The following ZNF354C variants were observed in gnomAD, a reference collection of about 807,000 sequenced individuals.
The protein encoded by ZNF354C is zinc finger protein 354C, also known as KRAB-zinc finger protein synten.
ZNF354C carries 7 observed loss-of-function variants against 12.4 expected under a neutral mutation model. The ratio of observed to expected loss-of-function variants is 0.56; its 90% confidence interval spans 0.32 to 1.06. The LOEUF is 1.06. Ranked by LOEUF, ZNF354C falls within the 50% of genes least tolerant of loss-of-function variation. The pLI is 0.04. For missense variants in ZNF354C, 609 were observed against 658.0 expected (o/e 0.93, Z 0.81); for synonymous variants, 202 against 224.5 (o/e 0.90, Z 0.90).
chr5:179,062,433 T>C (rs771690448), intron 2 of ZNF354C, among the ~76,000 whole-genome samples: 31 of 152,148 alleles, frequency 2.0e-4, no homozygotes, highest in Non-Finnish European at 4.3e-4. Flanking sequence ...CACTTGGGGC[T>C]AAGATGTGGA....
intron 2 of ZNF354C, among the ~76,000 whole-genome samples, chr5:179,073,238 A>G (rs1471458502): frequency 6.6e-6 from 1 of 152,238 alleles, no homozygotes; most frequent in Non-Finnish European, 1.5e-5. Flanking sequence ...CAGGTAAAAT[A>G]AAATTAAGCT....
intron 2 of ZNF354C, among the ~76,000 whole-genome samples, chr5:179,074,403 C>T (rs1337242190): frequency 1.3e-5 from 2 of 151,956 alleles, no homozygotes; most frequent in Non-Finnish European, 2.9e-5. Context: ...GCTGGGATTA[C>T]AGGCGTGAGC....
intron 2 of ZNF354C, among the ~76,000 whole-genome samples, chr5:179,064,219 C>A (rs557896045): frequency 2.2e-4 from 34 of 152,144 alleles, no homozygotes; most frequent in African/African-American, 7.5e-4. Context: ...ATATCTAATC[C>A]TTTTGTGGGT....
intron 1 of ZNF354C, 79 bp from the exon 2 acceptor site, chr5:179,061,936 A>G: frequency 1.0e-6 from 1 of 965,698 alleles, no homozygotes; most frequent in Non-Finnish European, 1.7e-6. Flanking sequence ...CCTGATGGAC[A>G]TTATGGGCGG....
chr5:179,079,039 C>G lies in ZNF354C; in HGVS notation c.607C>G (p.Leu203Val), dbSNP rs1762175481. The G allele has an allele frequency of 6.2e-7, 1 of 1,612,952 alleles. No individual in the cohort carries two copies. Among genetic ancestry groups the G allele is most frequent in the Non-Finnish European group, 8.5e-7 (1 of 1,179,782 alleles). Reference sequence around the variant, plus strand: ...GAAAGATTTTAAACAGAATTTTGATCTCATGAAATGCTTCCAGATTTACCC... The same window carrying G: ...GAAAGATTTTAAACAGAATTTTGATGTCATGAAATGCTTCCAGATTTACCC... ...FGKDFKQNFD[L>V]MKCFQIYPGG... The change falls in exon 5 of 5, where the codon CTC becomes GTC. Residue 203 changes from leucine to valine, a missense_variant. Physicochemically the swap from Leu to Val is conservative, Grantham distance 32 (BLOSUM62 1). Transcript: ENST00000315475. This position sits in a 1 kb window ranked among gnomAD's most constrained non-coding sequence, Gnocchi z 4.2.
intron 1 of ZNF354C, 99 bp from the exon 2 acceptor site, chr5:179,061,916 T>G: frequency 1.2e-6 from 1 of 836,078 alleles, no homozygotes; most frequent in Non-Finnish European, 2.0e-6. Flanking sequence ...GGGGGGTGGC[T>G]TTTTTGAGAC....
At position 179,079,040 on chromosome 5, in the gene ZNF354C, T is replaced by G. The variant is rs1762175549; in HGVS notation, c.608T>G (p.Leu203Arg). ...FGKDFKQNFD[L>R]MKCFQIYPGG... ...AAAGATTTTAAACAGAATTTTGATC[T>G]CATGAAATGCTTCCAGATTTACCCA... The change falls in exon 5 of 5, where the codon CTC (leucine) becomes CGC (arginine). Residue 203 changes from leucine (L) to arginine (R), a missense_variant. Coordinates refer to ENST00000315475, the MANE Select transcript of ZNF354C (RefSeq NM_014594.3). This position sits in a 1 kb window ranked among gnomAD's most constrained non-coding sequence, Gnocchi z 4.2. 5 of 1,612,926 alleles carry G rather than the reference T, an allele frequency of 3.1e-6. No homozygotes were observed. The African/African-American group carries it at 4.0e-5, about 13-fold the overall frequency.
chr5:179,076,323 A>C, intron 2 of ZNF354C, 122 bp from the exon 3 acceptor site: 1 of 1,447,794 alleles, frequency 6.9e-7, no homozygotes, highest in East Asian at 2.3e-5. Context: ...AAAATTACGT[A>C]AACAGTTGAC....
intron 2 of ZNF354C, among the ~76,000 whole-genome samples, chr5:179,068,244 T>G (rs1043064031): frequency 5.9e-5 from 9 of 152,090 alleles, no homozygotes; most frequent in African/African-American, 2.2e-4. Flanking sequence ...AATTTTCCCA[T>G]TAAAAAAGGA....
At chr5:179,065,933 A>C (rs1761953797) in intron 2 of ZNF354C, among the ~76,000 whole-genome samples, 1 of 152,110 alleles carries the variant, frequency 6.6e-6, no homozygotes, top group African/African-American at 2.4e-5. Context: ...TCCACTCTAC[A>C]GTTACTTTCT....
intron 2 of ZNF354C, among the ~76,000 whole-genome samples, chr5:179,074,216 C>T (rs1004510075): frequency 7.9e-5 from 12 of 151,720 alleles, no homozygotes; most frequent in East Asian, 5.8e-4. Context: ...CTCTTGACCT[C>T]GTGATCCGCC....
chr5:179,068,624 C>CTT (rs60825556), intron 2 of ZNF354C, among the ~76,000 whole-genome samples: 2 of 140,432 alleles, frequency 1.4e-5, no homozygotes, highest in Admixed American at 7.1e-5. Context: ...AAAAAGAATG[C>CTT]TTTTTTTTTT....
chr5:179,068,254 A>G (rs1483652684), intron 2 of ZNF354C, among the ~76,000 whole-genome samples: 1 of 152,204 alleles, frequency 6.6e-6, no homozygotes, highest in East Asian at 1.9e-4. Flanking sequence ...TTAAAAAAGG[A>G]TACATGTGTA....
chr5:179,082,502 A>T lies in ZNF354C; in HGVS notation c.*2405A>T. ...TATTTATTTTAAAATGGTTTTCTTA[A>T]ATTTATTTTTTTAAACATAACACGA... On this transcript the variant is annotated 3_prime_UTR_variant, in exon 5 of 5. Transcript: ENST00000315475. The T allele has an allele frequency of 5.2e-6, 3 of 578,812 alleles. No homozygotes were observed. Among genetic ancestry groups the T allele is most frequent in the Non-Finnish European group, 6.1e-6 (2 of 326,356 alleles). The allele number at this position is 578,812 out of a possible 1,614,324, so 35.9% of individuals were successfully genotyped here.
intron 2 of ZNF354C, among the ~76,000 whole-genome samples, chr5:179,070,060 C>G (rs1367290016): frequency 1.3e-5 from 2 of 152,150 alleles, no homozygotes; most frequent in Non-Finnish European, 2.9e-5. Flanking sequence ...CTATTAGGAA[C>G]CAGGCGGTAC....
Position 179,079,761 on chromosome 5 carries a change from G to A in ZNF354C, c.1329G>A (p.Glu443=), listed in dbSNP as rs764016450. 10 of 1,613,956 alleles carry A rather than the reference G, an allele frequency of 6.2e-6. No individual in the cohort carries two copies. Among genetic ancestry groups the A allele is most frequent in the Non-Finnish European group, 7.6e-6 (9 of 1,179,992 alleles). Residue 443 remains glutamate (E), a synonymous_variant, in exon 5 of 5, where the codon GAG becomes GAA. Coordinates refer to ENST00000315475, the MANE Select transcript of ZNF354C (RefSeq NM_014594.3). The surrounding 1 kb of genome is among the most constrained non-coding windows in gnomAD (Gnocchi z 4.2). ...IHTGEKLYTC[E]ECGKAFGCKS... ...CTGGGGAAAAACTTTATACATGTGA[G>A]GAATGTGGGAAAGCCTTTGGTTGCA...
chr5:179,080,582 AT>A lies in ZNF354C; in HGVS notation c.*486del, dbSNP rs1762213964. 1 of 152,480 alleles carries A rather than the reference AT, an allele frequency of 6.6e-6. No individual in the cohort carries two copies. Among genetic ancestry groups the A allele is most frequent in the South Asian group, 2.1e-4 (1 of 4,838 alleles). The allele number at this position is 152,480 out of a possible 1,614,324, so 9.4% of individuals were successfully genotyped here. On this transcript the variant is annotated 3_prime_UTR_variant, in exon 5 of 5. Transcript: ENST00000315475. Reference sequence around the variant, plus strand: ...TTTAAATTTAACTCTTCACATGGAAATAATAAAGCTCTTTATATGAGCTGTC... The same window carrying A: ...TTTAAATTTAACTCTTCACATGGAAAAATAAAGCTCTTTATATGAGCTGTC...
At chr5:179,068,727 C>T (rs369237761) in intron 2 of ZNF354C, among the ~76,000 whole-genome samples, 5 of 151,556 alleles carry the variant, frequency 3.3e-5, no homozygotes, top group Non-Finnish European at 5.9e-5. Flanking sequence ...AACAGCAACA[C>T]GGAGCCTGTA....
At chr5:179,077,978 TG>T (rs1291326650) in intron 4 of ZNF354C, among the ~76,000 whole-genome samples, 1 of 152,044 alleles carries the variant, frequency 6.6e-6, no homozygotes, top group Admixed American at 6.6e-5. Context: ...GCTAATTTTT[TG>T]TATTTTTGGT....
Sources: gnomAD v4.1 joint callset for allele counts (sites outside exome capture counted in the v4.1 genomes callset) on GRCh38, gnomAD v4.1.1 for gene constraint, Gnocchi (gnomAD v3.1) non-coding constraint, MANE v1.5 for transcripts, NCBI Gene and HGNC (gene_info 2026-07-23, HGNC 2026-07-21) for gene names.